GGT1: variants seen among roughly 807,000 people sequenced by gnomAD.
The protein encoded by GGT1 is gamma-glutamyltransferase 1, also known as glutathione hydrolase 1 proenzyme.
GGT1 carries 21 observed loss-of-function variants against 56.0 expected under a neutral mutation model. That is an observed-to-expected ratio of 0.38 (90% CI 0.27 to 0.54). GGT1 has a LOEUF of 0.54. Among genes scored for constraint, GGT1 ranks in the 20% least tolerant of loss-of-function variants. GGT1 has a pLI of 0.82. For synonymous variants in GGT1, 238 were observed against 342.6 expected, an observed-to-expected ratio of 0.69 and a Z score of 3.37; for missense variants, 466 against 787.0, an observed-to-expected ratio of 0.59 and a Z score of 4.88.
Position 24,620,895 on chromosome 22 carries a change from G to A in GGT1, c.576-18G>A. ...GTCCACCCCACCTGCTGCCTCACAT[G>A]AGCCCCCTCTGCCCCAGTGAGGTGT... On this transcript the variant is annotated intron_variant, in intron 8 of 15. Transcript: ENST00000400382. The surrounding 1 kb of genome is among the most constrained non-coding windows in gnomAD (Gnocchi z 5.6). The A allele has an allele frequency of 6.2e-7, 1 of 1,611,438 alleles. No individual in the cohort carries two copies.
At chr22:24,627,120 C>T (rs1425167728) in intron 11 of GGT1, 1 of 671,480 alleles carries the variant, frequency 1.5e-6, no homozygotes, top group East Asian at 3.6e-5. Flanking sequence ...CCTGTTGATT[C>T]CCCAGTGCCA....
At chr22:24,613,868 A>G (rs1266841947) in intron 5 of GGT1, among the ~76,000 whole-genome samples, 1 of 151,932 alleles carries the variant, frequency 6.6e-6, no homozygotes, top group African/African-American at 2.4e-5. Context: ...TGGGCAACAT[A>G]GAAAGACCCT....
At chr22:24,593,015 C>T (rs1189775991), upstream of GGT1, 1 of 1,091,506 alleles carries the variant, frequency 9.2e-7, no homozygotes, top group East Asian at 5.9e-5. Flanking sequence ...TCGGGCCCGG[C>T]CCGCCGGCCC....
At chr22:24,612,614 T>C (rs141548622) in intron 5 of GGT1, among the ~76,000 whole-genome samples, 7,972 of 151,574 alleles carry the variant, frequency 0.053, 675 homozygotes, top group African/African-American at 0.18. Flanking sequence ...GCAACCTCCG[T>C]CTCCTGGATT....
chr22:24,599,866 G>T (rs1331224541), upstream of GGT1, among the ~76,000 whole-genome samples: 1 of 152,224 alleles, frequency 6.6e-6, no homozygotes, highest in Non-Finnish European at 1.5e-5. Context: ...AAAGTGCTGC[G>T]CAGTTTTGGC....
At chr22:24,585,896 C>T in the GGT1 span, 2 of 1,588,778 alleles carry the variant, frequency 1.3e-6, no homozygotes, top group Non-Finnish European at 1.7e-6. Context: ...TCACCTGGCA[C>T]AGCAGGCCTG....
At chr22:24,585,611 G>A in the GGT1 span, 2 of 515,142 alleles carry the variant, frequency 3.9e-6, no homozygotes, top group East Asian at 6.6e-5. Context: ...GTGACCCTGA[G>A]GTTGGTGATG....
At chr22:24,605,087 AT>A (rs2045969841) in intron 1 of GGT1, among the ~76,000 whole-genome samples, 3 of 22,774 alleles carry the variant, frequency 1.3e-4, no homozygotes, top group African/African-American at 4.4e-4. Flanking sequence ...TATAAAGTAT[AT>A]TATATAATAT....
intron 1 of GGT1, among the ~76,000 whole-genome samples, chr22:24,606,552 A>G (rs1314339858): frequency 6.6e-6 from 1 of 152,160 alleles, no homozygotes. Context: ...GCCTTCAGGG[A>G]CAGGTCATGG....
At chr22:24,610,957 G>C (rs200190420) in intron 4 of GGT1, 118 bp from the exon 5 acceptor site, 1 of 824,234 alleles carries the variant, frequency 1.2e-6, no homozygotes, top group Admixed American at 2.3e-5. Flanking sequence ...TCTGGGAAGC[G>C]GGAAGGAGAC....
intron 1 of GGT1, among the ~76,000 whole-genome samples, chr22:24,597,213 C>G (rs951626428): frequency 1.3e-5 from 2 of 152,062 alleles, no homozygotes; most frequent in Non-Finnish European, 2.9e-5. Context: ...GAACTCCTGA[C>G]CTCAGGTGAT....
chr22:24,593,574 T>G (rs2045635599), upstream of GGT1, among the ~76,000 whole-genome samples: 1 of 151,604 alleles, frequency 6.6e-6, no homozygotes, highest in Admixed American at 6.6e-5. Context: ...GAATCTAAGG[T>G]CAGGAGTTCA....
chr22:24,590,607 A>G (rs1227193795), upstream of GGT1, among the ~76,000 whole-genome samples: 1 of 151,936 alleles, frequency 6.6e-6, no homozygotes, highest in Non-Finnish European at 1.5e-5. Context: ...TGCTCTTCTT[A>G]TGACCCCTCA....
upstream of GGT1, among the ~76,000 whole-genome samples, chr22:24,590,624 C>G (rs2045542241): frequency 6.6e-6 from 1 of 152,140 alleles, no homozygotes; most frequent in Non-Finnish European, 1.5e-5. Context: ...CTCAAATTCC[C>G]CTGTCCCCCA....
chr22:24,611,535 CT>C (rs1230791318), intron 5 of GGT1, among the ~76,000 whole-genome samples: 102 of 131,474 alleles, frequency 7.8e-4, no homozygotes, highest in African/African-American at 2.6e-3. Context: ...ATCTATCTAT[CT>C]ATCTATCATC....
intron 1 of GGT1, among the ~76,000 whole-genome samples, chr22:24,597,390 T>C (rs2045712897): frequency 6.6e-6 from 1 of 152,188 alleles, no homozygotes; most frequent in South Asian, 2.1e-4. Context: ...ACTGTGTTTT[T>C]TGGCCTGGCG....
chr22:24,601,018 T>C (rs2045771855), upstream of GGT1, among the ~76,000 whole-genome samples: 2 of 152,194 alleles, frequency 1.3e-5, no homozygotes, highest in South Asian at 4.1e-4. Flanking sequence ...GATCCTAATA[T>C]TGAATCCAAT....
chr22:24,621,510 G>A (rs560005333), intron 9 of GGT1, among the ~76,000 whole-genome samples: 20 of 149,714 alleles, frequency 1.3e-4, no homozygotes, highest in Admixed American at 3.3e-4. Flanking sequence ...AGAGGCATGG[G>A]GAAGGGGATT....
At chr22:24,603,946 T>G (rs951921556) in intron 1 of GGT1, among the ~76,000 whole-genome samples, 19 of 151,356 alleles carry the variant, frequency 1.3e-4, no homozygotes, top group Non-Finnish European at 1.8e-4. Context: ...CAGCTATATA[T>G]ATAGGGATAT....
Sources: gnomAD v4.1 joint callset for allele counts (sites outside exome capture counted in the v4.1 genomes callset) on GRCh38, gnomAD v4.1.1 for gene constraint, Gnocchi (gnomAD v3.1) non-coding constraint, MANE v1.5 for transcripts, NCBI Gene and HGNC (gene_info 2026-07-23, HGNC 2026-07-21) for gene names.